Variants in NLRC4 observed in about 807,000 individuals in gnomAD.
The protein encoded by NLRC4 is NLR family CARD domain containing 4.
In NLRC4, 63 loss-of-function variants were observed where a neutral mutation model predicts 79.9. That is an observed-to-expected ratio of 0.79 (90% CI 0.64 to 0.97). NLRC4 has a LOEUF of 0.97. Among genes scored for constraint, NLRC4 ranks in the 50% least tolerant of loss-of-function variants. The pLI, the probability that NLRC4 is intolerant of heterozygous loss-of-function variation, is 0.00. For missense variants in NLRC4, 1,074 were observed against 1,215.2 expected, an observed-to-expected ratio of 0.88 and a Z score of 1.73; for synonymous variants, 461 against 456.5, an observed-to-expected ratio of 1.01 and a Z score of -0.12.
At position 32,234,571 on chromosome 2, in the gene NLRC4, C is replaced by T. The variant is rs76798340; in HGVS notation, c.2782+830G>A. 6.8e-3 allele frequency among the ~76,000 whole-genome samples: 1,029 copies of T among 152,266 alleles called. 14 individuals are homozygous for T. The highest frequency in any genetic ancestry group is 0.024 in the African/African-American group (983 of 41,546). On this transcript the variant is annotated intron_variant, in intron 8 of 8. Coordinates refer to ENST00000402280, the MANE Select transcript of NLRC4 (RefSeq NM_001199138.2). ...ACCTCCTTGTATTAATGTTTCCATA[C>T]GCTGGATTGGAATAACTTGTGCAAC...
Position 32,235,614 on chromosome 2 carries a change from T to C in NLRC4, c.2615-46A>G, listed in dbSNP as rs761047411. The C allele has an allele frequency of 5.2e-6, 8 of 1,537,564 alleles. No individual in the cohort carries two copies. In the Admixed American group the frequency reaches 8.7e-5, roughly 17 times the overall value. On this transcript the variant is annotated intron_variant, in intron 7 of 8. Transcript: ENST00000402280. ...TTCAGGGACTGGATGGTCTCAAAACTGAGGAAGAACAAAGGGGTGTTAGGG... is the reference window on the plus strand; with the variant it reads ...TTCAGGGACTGGATGGTCTCAAAACCGAGGAAGAACAAAGGGGTGTTAGGG...
intron 5 of NLRC4, 115 bp from the exon 6 acceptor site, chr2:32,238,417 TC>T (rs1217084046): frequency 2.4e-6 from 2 of 828,228 alleles, no homozygotes; most frequent in Admixed American, 5.8e-5. Context: ...GCCATGTTCT[TC>T]CTGCAGCGAC....
chr2:32,231,049 A>G (rs1224004247), intron 8 of NLRC4, among the ~76,000 whole-genome samples: 2 of 152,114 alleles, frequency 1.3e-5, no homozygotes, highest in Non-Finnish European at 2.9e-5. Flanking sequence ...GTTTTCTGCT[A>G]TTTATTTTGC....
At chr2:32,233,130 GAGGGAGGAAGGAAGGA>G (rs1558446892) in intron 8 of NLRC4, among the ~76,000 whole-genome samples, 1 of 94,288 alleles carries the variant, frequency 1.1e-5, no homozygotes, top group African/African-American at 4.6e-5. Context: ...AGGGGTGGGG[GAGGGAGGAAGGAAGGA>G]AGGAAGGAAG....
At chr2:32,225,727 G>A (rs187843158) in intron 8 of NLRC4, among the ~76,000 whole-genome samples, 35 of 152,224 alleles carry the variant, frequency 2.3e-4, no homozygotes, top group African/African-American at 7.5e-4. Flanking sequence ...AGGCAGACTG[G>A]ACATGGGAAC....
intron 8 of NLRC4, among the ~76,000 whole-genome samples, chr2:32,231,878 CTT>C (rs1332877006): frequency 6.6e-6 from 1 of 152,094 alleles, no homozygotes. Flanking sequence ...GACCAAATGT[CTT>C]TTTTTCTGTT....
At chr2:32,237,846 G>A (rs888486669) in intron 6 of NLRC4, among the ~76,000 whole-genome samples, 4 of 152,146 alleles carry the variant, frequency 2.6e-5, no homozygotes, top group African/African-American at 9.7e-5. Context: ...ATGACCGGTT[G>A]TGTGGCAAGT....
At chr2:32,257,212 A>G (rs1687227143) in intron 1 of NLRC4, among the ~76,000 whole-genome samples, 1 of 152,256 alleles carries the variant, frequency 6.6e-6, no homozygotes, top group East Asian at 1.9e-4. Context: ...TGAATGGTGC[A>G]GAGGGTACGT....
intron 3 of NLRC4, 86 bp from the exon 4 acceptor site, chr2:32,251,687 G>T: frequency 2.2e-6 from 2 of 901,626 alleles, no homozygotes; most frequent in Non-Finnish European, 3.5e-6. Flanking sequence ...GGGGGGGTGA[G>T]GCTGAGAATC....
At chr2:32,226,354 C>G (rs1686397107) in intron 8 of NLRC4, among the ~76,000 whole-genome samples, 1 of 149,858 alleles carries the variant, frequency 6.7e-6, no homozygotes, top group Non-Finnish European at 1.5e-5. Context: ...TCAATGTCAG[C>G]CAATGCTTTT....
chr2:32,265,254 C>T (rs1302781584), upstream of NLRC4, among the ~76,000 whole-genome samples: 3 of 152,074 alleles, frequency 2.0e-5, no homozygotes, highest in East Asian at 1.9e-4. Flanking sequence ...AATCTCAGCT[C>T]ACTGCAACCT....
intron 8 of NLRC4, among the ~76,000 whole-genome samples, chr2:32,229,616 T>C (rs1344688599): frequency 7.9e-5 from 12 of 152,198 alleles, no homozygotes; most frequent in Admixed American, 7.9e-4. Context: ...ATGCAATCTC[T>C]GAGGAAGAAC....
chr2:32,259,300 G>GTTTTTTTT (rs1687284645), intron 1 of NLRC4, among the ~76,000 whole-genome samples: 1 of 58,292 alleles, frequency 1.7e-5, no homozygotes, highest in African/African-American at 7.3e-5. Flanking sequence ...TAGAGACAGA[G>GTTTTTTTT]TTTTGCCGTG....
chr2:32,260,456 A>G (rs1232877443), intron 1 of NLRC4, among the ~76,000 whole-genome samples: 2 of 152,170 alleles, frequency 1.3e-5, no homozygotes, highest in Admixed American at 6.6e-5. Flanking sequence ...AGATGCTCAC[A>G]GCCATGGCAA....
At chr2:32,261,198 A>G (rs1687336280) in intron 1 of NLRC4, among the ~76,000 whole-genome samples, 1 of 142,402 alleles carries the variant, frequency 7.0e-6, no homozygotes, top group African/African-American at 2.9e-5. Flanking sequence ...ATCTGAAAAC[A>G]ACAACAACAA....
chr2:32,254,575 G>A (rs1362750714), intron 2 of NLRC4, among the ~76,000 whole-genome samples: 4 of 148,722 alleles, frequency 2.7e-5, no homozygotes, highest in Admixed American at 6.7e-5. Flanking sequence ...CTCAGACACC[G>A]TCTGCACTAG....
chr2:32,259,290 T>TTTG (rs1687283988), intron 1 of NLRC4, among the ~76,000 whole-genome samples: 1 of 131,034 alleles, frequency 7.6e-6, no homozygotes, highest in Non-Finnish European at 1.6e-5. Context: ...TTTTTTTTTT[T>TTTG]AGAGACAGAG....
At position 32,256,906 on chromosome 2, in the gene NLRC4, C is replaced by T; in HGVS notation, c.-118-13G>A. 1 of 649,330 alleles carries T rather than the reference C, an allele frequency of 1.5e-6. No homozygotes were observed. Among genetic ancestry groups the T allele is most frequent in the East Asian group, 2.7e-5 (1 of 37,068 alleles). 40.2% of individuals were successfully genotyped at this position (649,330 alleles called of 1,614,324 possible). The stretch of plus-strand genomic sequence containing the variant: ...ACTACTCTTCATTCTGTAAAACAAA[C>T]AAAACAGAACCAGAGACTATCAGGT... On this transcript the variant is annotated splice_polypyrimidine_tract_variant and intron_variant, in intron 1 of 8. Transcript: ENST00000402280.
intron 2 of NLRC4, among the ~76,000 whole-genome samples, chr2:32,253,210 C>T (rs929438844): frequency 5.9e-5 from 9 of 151,708 alleles, no homozygotes; most frequent in East Asian, 2.0e-4. Flanking sequence ...AGTGCAGTGA[C>T]GCGATCTCGG....
Sources: allele counts gnomAD v4.1 joint callset (sites outside exome capture counted in the v4.1 genomes callset), GRCh38; gene constraint gnomAD v4.1.1; transcripts MANE v1.5; gene names NCBI Gene and HGNC (gene_info 2026-07-23, HGNC 2026-07-21).